TNFRSF8: variants seen among roughly 807,000 people sequenced by gnomAD.
TNFRSF8 encodes the protein tumor necrosis factor receptor superfamily member 8.
A neutral mutation model predicts 70.8 loss-of-function variants in TNFRSF8; 26 were observed. The ratio of observed to expected loss-of-function variants is 0.37; its 90% CI spans 0.27 to 0.51. The LOEUF is 0.51. Among genes scored for constraint, TNFRSF8 ranks in the 20% least tolerant of loss-of-function variants. TNFRSF8 has a pLI of 0.94. For synonymous variants in TNFRSF8, 356 were observed against 339.2 expected (o/e 1.05, Z -0.54); for missense variants, 720 against 807.9 (o/e 0.89, Z 1.32).
intron 8 of TNFRSF8, 21 bp from the exon 9 acceptor site, chr1:12,123,263 G>A: frequency 6.2e-7 from 1 of 1,601,660 alleles, no homozygotes; most frequent in Non-Finnish European, 8.5e-7. Context: ...CTGGTTCTCA[G>A]ATGTTACGTC....
At chr1:12,093,128 A>G (rs1463002212) in intron 2 of TNFRSF8, among the ~76,000 whole-genome samples, 2 of 152,062 alleles carry the variant, frequency 1.3e-5, no homozygotes, top group Non-Finnish European at 2.9e-5. Context: ...TCATGAGAAC[A>G]CCGGTCAGAT....
chr1:12,123,624 T>G, intron 9 of TNFRSF8, 91 bp from the exon 10 acceptor site: 1 of 1,164,368 alleles, frequency 8.6e-7, no homozygotes, highest in Admixed American at 2.1e-5. Flanking sequence ...CAGGCTCTGG[T>G]TGCGCAGTCT....
intron 14 of TNFRSF8, among the ~76,000 whole-genome samples, chr1:12,139,547 C>T (rs1253758035): frequency 1.3e-5 from 2 of 152,186 alleles, no homozygotes; most frequent in African/African-American, 2.4e-5. Flanking sequence ...GGTGTGACTG[C>T]GTGTTTATAG....
intron 8 of TNFRSF8, among the ~76,000 whole-genome samples, chr1:12,116,113 C>G (rs1419713387): frequency 6.6e-6 from 1 of 152,124 alleles, no homozygotes; most frequent in Non-Finnish European, 1.5e-5. Context: ...TTCTGAGTAG[C>G]TGGGGTTACA....
chr1:12,136,870 C>CTTTTTTTTTTTTTTTTTTTTTTT (rs201470263), intron 13 of TNFRSF8, among the ~76,000 whole-genome samples: 8 of 118,718 alleles, frequency 6.7e-5, no homozygotes, highest in East Asian at 2.3e-4. Context: ...ATACTCAGTT[C>CTTTTTTTTTTTTTTTTTTTTTTT]TTTTTTTTTT....
At chr1:12,073,174 A>G (rs1368959652) in intron 1 of TNFRSF8, among the ~76,000 whole-genome samples, 3 of 152,182 alleles carry the variant, frequency 2.0e-5, no homozygotes, top group Non-Finnish European at 4.4e-5. Context: ...TGAGAGGATC[A>G]CGTGAGCCCA....
intron 3 of TNFRSF8, among the ~76,000 whole-genome samples, chr1:12,102,801 C>T (rs950346620): frequency 1.1e-4 from 16 of 152,228 alleles, no homozygotes; most frequent in African/African-American, 3.4e-4. Context: ...GCTGGGATTA[C>T]AAGTGTGAAC....
At chr1:12,085,151 C>T (rs1641131516) in intron 2 of TNFRSF8, among the ~76,000 whole-genome samples, 1 of 152,084 alleles carries the variant, frequency 6.6e-6, no homozygotes, top group African/African-American at 2.4e-5. Context: ...GCTCTTGTTG[C>T]CCAGGCTGGA....
chr1:12,073,058 C>T (rs1481748809), intron 1 of TNFRSF8, among the ~76,000 whole-genome samples: 2 of 152,186 alleles, frequency 1.3e-5, no homozygotes, highest in Non-Finnish European at 2.9e-5. Flanking sequence ...GAGGCCAAGG[C>T]AGGAGGATCT....
intron 1 of TNFRSF8, among the ~76,000 whole-genome samples, chr1:12,077,274 C>T (rs541441010): frequency 3.5e-4 from 53 of 152,240 alleles, no homozygotes; most frequent in African/African-American, 1.2e-3. Context: ...GATCTTGAGA[C>T]AGGAAGATGA....
intron 14 of TNFRSF8, among the ~76,000 whole-genome samples, chr1:12,140,898 G>A (rs1382383541): frequency 2.8e-5 from 4 of 142,450 alleles, no homozygotes; most frequent in African/African-American, 7.8e-5. Context: ...CACCACCCCC[G>A]GCCCCCATCT....
chr1:12,117,947 T>C (rs575778111), intron 8 of TNFRSF8, among the ~76,000 whole-genome samples: 84 of 151,984 alleles, frequency 5.5e-4, no homozygotes, highest in Non-Finnish European at 8.7e-4. Context: ...GAACAGGCAG[T>C]ATTTGTCTTT....
In TNFRSF8 at chr1:12,113,106, A is replaced by T. The variant is rs1570046819; in HGVS notation, c.793+1092A>T. Among the ~76,000 whole-genome samples, 1 of 152,350 alleles carries T rather than the reference A, an allele frequency of 6.6e-6. No homozygotes were observed. The highest frequency in any genetic ancestry group is 1.9e-4 in the East Asian group (1 of 5,186). Reference sequence around the variant, plus strand: ...CTGTGAGTCAGAATTCAGACAGGGCACTGCGGGGACAGCTTGTCTCTGCTC... The same window carrying T: ...CTGTGAGTCAGAATTCAGACAGGGCTCTGCGGGGACAGCTTGTCTCTGCTC... On this transcript the variant is annotated intron_variant, in intron 7 of 14. Transcript: ENST00000263932. This position sits in a 1 kb window ranked among gnomAD's most constrained non-coding sequence, Gnocchi z 4.9.
rs1331848761 is a variant in TNFRSF8, at chr1:12,088,695, T to C, written c.151+4144T>C. ...ATGTGAGGCCAGGCCAAGTGTTAGG[T>C]AGGGAGCATGGCAGGTGTATCCCAT... On this transcript the variant is annotated intron_variant, in intron 2 of 14. Transcript: ENST00000263932. This position sits in a 1 kb window ranked among gnomAD's most constrained non-coding sequence, Gnocchi z 4.0. Among the ~76,000 whole-genome samples, 1 of 152,140 alleles carries C rather than the reference T, an allele frequency of 6.6e-6. No individual in the cohort carries two copies. The highest frequency in any genetic ancestry group is 1.5e-5 in the Non-Finnish European group (1 of 68,008).
In TNFRSF8 at chr1:12,072,399, C is replaced by T. The variant is rs147023996; in HGVS notation, c.63+8738C>T. 1.2e-3 allele frequency among the ~76,000 whole-genome samples: 179 copies of T among 152,214 alleles called. 2 individuals are homozygous for T. Among genetic ancestry groups the T allele is most frequent in the Middle Eastern group, 3.4e-3 (1 of 294 alleles). On this transcript the variant is annotated intron_variant, in intron 1 of 14. Transcript: ENST00000263932. The stretch of plus-strand genomic sequence containing the variant: ...TGCGTAGGGGACTGTCTGGGGCCTG[C>T]GGGAGTCCAGAGGAGCCCATCTTTA...
intron 4 of TNFRSF8, among the ~76,000 whole-genome samples, chr1:12,106,358 C>CGAGA (rs1641524203): frequency 6.6e-6 from 1 of 152,252 alleles, no homozygotes; most frequent in East Asian, 1.9e-4. Flanking sequence ...CAGCCCTGAG[C>CGAGA]TCTCCACCCC....
chr1:12,071,634 G>T (rs1047098964), intron 1 of TNFRSF8, among the ~76,000 whole-genome samples: 2 of 151,286 alleles, frequency 1.3e-5, no homozygotes, highest in Non-Finnish European at 2.9e-5. Flanking sequence ...CGATCTCTCG[G>T]CTCACTGCAA....
intron 12 of TNFRSF8, among the ~76,000 whole-genome samples, chr1:12,130,487 G>A (rs1235146239): frequency 6.6e-6 from 1 of 152,178 alleles, no homozygotes; most frequent in East Asian, 1.9e-4. Context: ...AGGAGCCCGG[G>A]GTTTGCATCT....
Position 12,142,460 on chromosome 1 carries a change from A to G in TNFRSF8, c.1717A>G (p.Ser573Gly), listed in dbSNP as rs1159053294. The change falls in exon 15 of 15, where the codon AGC becomes GGC. Residue 573 changes from serine to glycine, a missense_variant. Ser to Gly is a moderately conservative substitution (Grantham distance 56). Transcript: ENST00000263932. This position sits in a 1 kb window ranked among gnomAD's most constrained non-coding sequence, Gnocchi z 5.0. ...QETEPPLGSC[S>G]DVMLSVEEEG... Reference sequence around the variant, plus strand: ...GACAGAACCGCCTCTGGGCAGCTGCAGCGATGTCATGCTCTCAGTGGAAGA... The same window carrying G: ...GACAGAACCGCCTCTGGGCAGCTGCGGCGATGTCATGCTCTCAGTGGAAGA... 3 of 1,611,512 alleles carry G rather than the reference A, an allele frequency of 1.9e-6. No homozygotes were observed. Among genetic ancestry groups the G allele is most frequent in the African/African-American group, 1.3e-5 (1 of 74,990 alleles).
Sources: allele counts gnomAD v4.1 joint callset (sites outside exome capture counted in the v4.1 genomes callset), GRCh38; gene constraint gnomAD v4.1.1; non-coding constraint Gnocchi (gnomAD v3.1); transcripts MANE v1.5; gene names NCBI Gene and HGNC (gene_info 2026-07-23, HGNC 2026-07-21).